FAM177A1: variants seen among roughly 807,000 people sequenced by gnomAD.
FAM177A1 encodes the protein protein FAM177A1.
FAM177A1 carries 22 observed loss-of-function variants against 26.1 expected under a neutral mutation model. The observed-to-expected ratio is 0.84, with a 90% confidence interval of 0.60 to 1.20. The LOEUF is 1.20. FAM177A1 is among the 50% of genes most tolerant of loss of function. The pLI, the probability that FAM177A1 is intolerant of heterozygous loss-of-function variation, is 0.00. For missense variants in FAM177A1, 296 were observed against 291.1 expected (o/e 1.02, Z -0.12); for synonymous variants, 95 against 99.3 (o/e 0.96, Z 0.26).
At chr14:35,064,090 C>T (rs1440019425) in intron 2 of FAM177A1, among the ~76,000 whole-genome samples, 2 of 149,228 alleles carry the variant, frequency 1.3e-5, no homozygotes, top group Admixed American at 6.8e-5. Context: ...TACTTCATGC[C>T]TTTAAGAGTG....
intron 2 of FAM177A1, among the ~76,000 whole-genome samples, chr14:35,061,150 G>C (rs1215371506): frequency 2.0e-5 from 3 of 152,170 alleles, no homozygotes; most frequent in Non-Finnish European, 4.4e-5. Flanking sequence ...CACAGCCCCT[G>C]CAGATAAAGG....
chr14:35,077,007 ATTGTTGAT>A (rs1178539676), intron 2 of FAM177A1, 135 bp from the exon 3 acceptor site: 3 of 662,216 alleles, frequency 4.5e-6, no homozygotes, highest in Non-Finnish European at 8.1e-6. Flanking sequence ...CAGATTTTAA[ATTGTTGAT>A]TGGATTGCAG....
intron 2 of FAM177A1, among the ~76,000 whole-genome samples, chr14:35,059,454 G>A (rs910231509): frequency 6.7e-6 from 1 of 148,168 alleles, no homozygotes; most frequent in African/African-American, 2.5e-5. Flanking sequence ...TATTTTCTAT[G>A]TCTCATGTCT....
chr14:35,067,968 A>G (rs1463701498), intron 2 of FAM177A1, among the ~76,000 whole-genome samples: 1 of 152,066 alleles, frequency 6.6e-6, no homozygotes, highest in Admixed American at 6.6e-5. Context: ...CTCCCAATCC[A>G]TGGGTTGTCA....
At chr14:35,056,853 G>A (rs1341262011) in intron 2 of FAM177A1, among the ~76,000 whole-genome samples, 1 of 151,958 alleles carries the variant, frequency 6.6e-6, no homozygotes, top group African/African-American at 2.4e-5. Flanking sequence ...TTATTTGTTG[G>A]CATACAGTAG....
rs2045010043 is a variant in FAM177A1, at chr14:35,053,462, T to C, written c.339+11T>C. On this transcript the variant is annotated intron_variant, in intron 2 of 4. Transcript: ENST00000280987. ...CCTACTGTTGATCCGGTAGGTTTGA[T>C]ATTGATGATTCTTTCCTCAGTGGGC... 1 of 1,612,988 alleles carries C rather than the reference T, an allele frequency of 6.2e-7. No individual in the cohort carries two copies. Among genetic ancestry groups the C allele is most frequent in the Non-Finnish European group, 8.5e-7 (1 of 1,179,652 alleles).
chr14:35,068,869 G>A (rs535526418), intron 2 of FAM177A1, among the ~76,000 whole-genome samples: 2 of 152,276 alleles, frequency 1.3e-5, no homozygotes, highest in Admixed American at 6.5e-5. Flanking sequence ...AAGGCAAGAG[G>A]GTGAGAGAGA....
At chr14:35,060,695 A>G (rs376113101) in intron 2 of FAM177A1, among the ~76,000 whole-genome samples, 1 of 152,212 alleles carries the variant, frequency 6.6e-6, no homozygotes, top group Non-Finnish European at 1.5e-5. Flanking sequence ...TAGCTAGCCT[A>G]TAGTTTAGCC....
Position 35,046,295 on chromosome 14 carries a change from G to C in FAM177A1, c.-169G>C. 2.7e-6 allele frequency: 2 copies of C among 735,248 alleles called. No individual in the cohort carries two copies. The allele number at this position is 735,248 out of a possible 1,614,324, so 45.5% of individuals were successfully genotyped here. Reference sequence around the variant, plus strand: ...CCAGACTGCAGTTGGCCAGCTCTCGGGGTGCGGAGCCCGGCGGGCTAGGCG... The same window carrying C: ...CCAGACTGCAGTTGGCCAGCTCTCGCGGTGCGGAGCCCGGCGGGCTAGGCG... On this transcript the variant is annotated 5_prime_UTR_variant, in exon 1 of 5. Coordinates refer to ENST00000280987, the MANE Select transcript of FAM177A1 (RefSeq NM_173607.5).
At position 35,081,382 on chromosome 14, in the gene FAM177A1, C is replaced by G. The variant is rs2138577376; in HGVS notation, c.*154C>G. The G allele has an allele frequency of 3.9e-6, 3 of 769,770 alleles. No homozygotes were observed. In the South Asian group the frequency reaches 8.0e-5, roughly 21 times the overall value. The allele number at this position is 769,770 out of a possible 1,614,324, so 47.7% of individuals were successfully genotyped here. A position where few individuals can be genotyped will look rare whatever the true frequency, so the allele number is the denominator to read the frequency against. Reference sequence around the variant, plus strand: ...AAAATGTTTTCTTCATTTTTAGGATCTATCTAGCAAAAGCCAGATCTGAAA... The same window carrying G: ...AAAATGTTTTCTTCATTTTTAGGATGTATCTAGCAAAAGCCAGATCTGAAA... On this transcript the variant is annotated 3_prime_UTR_variant, in exon 5 of 5. Transcript: ENST00000280987.
chr14:35,051,987 C>T (rs1317520149), intron 1 of FAM177A1, among the ~76,000 whole-genome samples: 1 of 152,114 alleles, frequency 6.6e-6, no homozygotes, highest in Non-Finnish European at 1.5e-5. Context: ...TGCTTATAAC[C>T]ACAAGAATCT....
At chr14:35,077,576 G>A (rs1047161478) in intron 3 of FAM177A1, among the ~76,000 whole-genome samples, 5 of 143,276 alleles carry the variant, frequency 3.5e-5, no homozygotes, top group East Asian at 2.2e-4. Context: ...TCCGCTTCCC[G>A]GGTTCACGCC....
At chr14:35,057,994 T>C (rs1038771181) in intron 2 of FAM177A1, among the ~76,000 whole-genome samples, 1 of 152,124 alleles carries the variant, frequency 6.6e-6, no homozygotes, top group Non-Finnish European at 1.5e-5. Context: ...TCTAATTGAT[T>C]TTATAGTATT....
intron 2 of FAM177A1, among the ~76,000 whole-genome samples, chr14:35,059,021 C>T (rs112726660): frequency 0.038 from 5,742 of 151,896 alleles, 102 homozygotes; most frequent in South Asian, 0.062. Context: ...CTGCAAGCTC[C>T]GCCTCCCGGG....
At chr14:35,063,456 T>A (rs1002553957) in intron 2 of FAM177A1, among the ~76,000 whole-genome samples, 3 of 151,210 alleles carry the variant, frequency 2.0e-5, no homozygotes, top group African/African-American at 7.3e-5. Context: ...CGGGTGCCTG[T>A]AATCCCAGCC....
At chr14:35,053,039 C>A (rs1435138747) in intron 1 of FAM177A1, among the ~76,000 whole-genome samples, 4 of 152,158 alleles carry the variant, frequency 2.6e-5, no homozygotes, top group Non-Finnish European at 5.9e-5. Flanking sequence ...TTCAGAGATA[C>A]AATGCTGATA....
rs374120883 is a variant in FAM177A1 at position 35,046,490 on chromosome 14, C to T, written c.27C>T (p.Thr9=). The change falls in exon 1 of 5, where the codon ACC becomes ACT. Residue 9 remains threonine (T), a synonymous_variant. Coordinates refer to ENST00000280987, the MANE Select transcript of FAM177A1 (RefSeq NM_173607.5). The part of the protein sequence containing the change: MEVGLPAI[T]LFLTSASSPV... ...TGGAAGTGGGCTTACCGGCCATTAC[C>T]CTCTTTCTCACCAGCGCCAGCAGCC... 1,555 of 1,600,806 alleles carry T rather than the reference C, an allele frequency of 9.7e-4. 2 individuals carry two copies. The highest frequency in any genetic ancestry group is 1.2e-3 in the Non-Finnish European group (1,377 of 1,175,212).
Position 35,082,519 on chromosome 14 carries a change from A to C in FAM177A1, c.*1291A>C, listed in dbSNP as rs116721740. The C allele has an allele frequency of 6.6e-6, 1 of 150,488 alleles. No individual in the cohort carries two copies. The highest frequency in any genetic ancestry group is 1.5e-5 in the Non-Finnish European group (1 of 68,022). 9.3% of individuals were successfully genotyped at this position (150,488 alleles called of 1,614,324 possible). ...CAGAGTGAGACTCCATCTTGGGGGGAAAAAAGTATATATATATACACACAC... is the reference window on the plus strand; with the variant it reads ...CAGAGTGAGACTCCATCTTGGGGGGCAAAAAGTATATATATATACACACAC... On this transcript the variant is annotated 3_prime_UTR_variant, in exon 5 of 5. Transcript: ENST00000280987.
intron 1 of FAM177A1, chr14:35,050,860 A>T (rs1280057509): frequency 6.6e-6 from 1 of 152,180 alleles, no homozygotes; most frequent in Non-Finnish European, 1.5e-5. Flanking sequence ...GCCAAATTTT[A>T]TCTCAAGGGT....
Sources: allele counts gnomAD v4.1 joint callset (sites outside exome capture counted in the v4.1 genomes callset), GRCh38; gene constraint gnomAD v4.1.1; transcripts MANE v1.5; gene names NCBI Gene and HGNC (gene_info 2026-07-23, HGNC 2026-07-21).